ELOVL6: variants seen among roughly 807,000 people sequenced by gnomAD.
ELOVL6 encodes very long chain fatty acid elongase 6.
In ELOVL6, 8 loss-of-function variants were observed where a neutral mutation model predicts 31.7. The observed-to-expected ratio is 0.25, with a 90% CI of 0.15 to 0.45. The LOEUF is 0.45. ELOVL6 is among the 20% of genes least tolerant of loss of function. The pLI is 1.00. For synonymous variants in ELOVL6, 101 were observed against 117.7 expected (o/e 0.86, Z 0.92); for missense variants, 126 against 326.4 (o/e 0.39, Z 4.73).
chr4:110,149,246 G>A (rs920892610), intron 1 of ELOVL6, among the ~76,000 whole-genome samples: 9 of 152,094 alleles, frequency 5.9e-5, no homozygotes, highest in Non-Finnish European at 1.2e-4. Context: ...CTAAAAATAC[G>A]ACTAACCTTT....
At chr4:110,137,054 C>A (rs1320685563) in intron 1 of ELOVL6, among the ~76,000 whole-genome samples, 1 of 152,058 alleles carries the variant, frequency 6.6e-6, no homozygotes, top group Non-Finnish European at 1.5e-5. Flanking sequence ...ATGGTACCTT[C>A]AGAAATTTTA....
At chr4:110,183,787 G>A (rs1268710912) in intron 1 of ELOVL6, among the ~76,000 whole-genome samples, 1 of 152,100 alleles carries the variant, frequency 6.6e-6, no homozygotes, top group East Asian at 1.9e-4. Flanking sequence ...CAGGAGACCA[G>A]CCTGGGCAAC....
chr4:110,148,864 G>C (rs1039272294), intron 1 of ELOVL6, among the ~76,000 whole-genome samples: 1 of 152,070 alleles, frequency 6.6e-6, no homozygotes, highest in Non-Finnish European at 1.5e-5. Flanking sequence ...TATACTTTTT[G>C]TTCTGTTTTA....
chr4:110,108,179 G>A (rs1162509224), intron 1 of ELOVL6, among the ~76,000 whole-genome samples: 2 of 152,042 alleles, frequency 1.3e-5, no homozygotes, highest in Non-Finnish European at 2.9e-5. Context: ...GCTTCTTTGA[G>A]AACAGAAATT....
At chr4:110,053,199 G>C (rs1013596672) in intron 3 of ELOVL6, among the ~76,000 whole-genome samples, 1 of 152,220 alleles carries the variant, frequency 6.6e-6, no homozygotes, top group East Asian at 1.9e-4. Flanking sequence ...ATAGGCGTGA[G>C]CCACCGCCCT....
intron 1 of ELOVL6, among the ~76,000 whole-genome samples, chr4:110,189,860 G>A (rs1453948483): frequency 6.6e-6 from 1 of 151,510 alleles, no homozygotes; most frequent in South Asian, 2.1e-4. Context: ...CCAGCTACTC[G>A]GGAGGCTGAG....
In ELOVL6 at chr4:110,198,439, C is replaced by A. The variant is rs1387177362; in HGVS notation, c.-104G>T. ...TCCTGTCTGCTTCCCCCACCCACCC[C>A]CCTAGGTCTTCCCCACGCCGCTCGG... On this transcript the variant is annotated 5_prime_UTR_variant, in exon 1 of 4. Transcript: ENST00000302274. The A allele has an allele frequency of 1.7e-5, 12 of 710,180 alleles. No individual in the cohort carries two copies. The East Asian group carries it at 2.1e-4, about 12-fold the overall frequency. 44.0% of individuals were successfully genotyped at this position (710,180 alleles called of 1,614,324 possible).
chr4:110,056,201 T>TAAAG (rs1754983896), intron 3 of ELOVL6, among the ~76,000 whole-genome samples: 1 of 151,978 alleles, frequency 6.6e-6, no homozygotes, highest in Non-Finnish European at 1.5e-5. Context: ...TTGGTGCTCA[T>TAAAG]AAAGAGTCCA....
chr4:110,165,282 A>C (rs1758743104), intron 1 of ELOVL6, among the ~76,000 whole-genome samples: 1 of 152,186 alleles, frequency 6.6e-6, no homozygotes, highest in South Asian at 2.1e-4. Context: ...ATAGGCCAAA[A>C]TAGTTAAGTA....
intron 1 of ELOVL6, among the ~76,000 whole-genome samples, chr4:110,168,754 G>A (rs529152957): frequency 3.3e-5 from 5 of 152,218 alleles, no homozygotes; most frequent in Non-Finnish European, 7.4e-5. Context: ...TAGACTGCCT[G>A]GGTTTGAAGC....
At chr4:110,129,341 T>C (rs1757600451) in intron 1 of ELOVL6, among the ~76,000 whole-genome samples, 1 of 152,180 alleles carries the variant, frequency 6.6e-6, no homozygotes, top group African/African-American at 2.4e-5. Context: ...AAAAAGTCCT[T>C]GAGTCTCTCA....
At chr4:110,161,451 G>A (rs1758629131) in intron 1 of ELOVL6, among the ~76,000 whole-genome samples, 1 of 152,172 alleles carries the variant, frequency 6.6e-6, no homozygotes, top group Non-Finnish European at 1.5e-5. Flanking sequence ...ACAGAGGGAT[G>A]AAAAATTGGA....
rs1411333696 is a variant in ELOVL6 at position 110,099,855 on chromosome 4, T to C, written c.221+5642A>G. The stretch of plus-strand genomic sequence containing the variant: ...GCAACATGATTGAATGACTCAGGAG[T>C]GTCTGTGAAGAACAGGGGATAGGCA... On this transcript the variant is annotated intron_variant, in intron 2 of 3. Transcript: ENST00000302274. 2.0e-5 allele frequency among the ~76,000 whole-genome samples: 3 copies of C among 152,004 alleles called. No homozygotes were observed. In the East Asian group the frequency reaches 5.8e-4, roughly 29 times the overall value.
At chr4:110,174,285 T>A (rs1461528547) in intron 1 of ELOVL6, among the ~76,000 whole-genome samples, 1 of 151,152 alleles carries the variant, frequency 6.6e-6, no homozygotes. Flanking sequence ...TGCCTCAGCC[T>A]CCTGAGTACC....
chr4:110,188,810 G>A (rs1759521813), intron 1 of ELOVL6, among the ~76,000 whole-genome samples: 1 of 148,982 alleles, frequency 6.7e-6, no homozygotes, highest in African/African-American at 2.5e-5. Context: ...AGAGTTGCTT[G>A]AACCTGGGAG....
At chr4:110,052,410 A>C (rs1321528494) in intron 3 of ELOVL6, among the ~76,000 whole-genome samples, 1 of 152,256 alleles carries the variant, frequency 6.6e-6, no homozygotes. Context: ...AAGGGGGACA[A>C]AAATCCTCTT....
At chr4:110,155,624 G>C (rs1384391591) in intron 1 of ELOVL6, among the ~76,000 whole-genome samples, 1 of 151,798 alleles carries the variant, frequency 6.6e-6, no homozygotes, top group South Asian at 2.1e-4. Flanking sequence ...GTCCCAAGTC[G>C]TCCTGGTTCA....
At chr4:110,077,767 G>A (rs536165190) in intron 2 of ELOVL6, among the ~76,000 whole-genome samples, 9 of 152,244 alleles carry the variant, frequency 5.9e-5, no homozygotes, top group Non-Finnish European at 1.2e-4. Context: ...GAGATAAGAA[G>A]GCTTCAGACG....
intron 2 of ELOVL6, among the ~76,000 whole-genome samples, chr4:110,086,081 T>A (rs1037335353): frequency 1.3e-5 from 2 of 152,224 alleles, no homozygotes; most frequent in Non-Finnish European, 2.9e-5. Context: ...TGAGAAACTC[T>A]ACAGCAAAGT....
Sources: gnomAD v4.1 joint callset for allele counts (sites outside exome capture counted in the v4.1 genomes callset) on GRCh38, gnomAD v4.1.1 for gene constraint, MANE v1.5 for transcripts, NCBI Gene and HGNC (gene_info 2026-07-23, HGNC 2026-07-21) for gene names.